The following RASA1 variants were observed in gnomAD, a reference collection of about 807,000 sequenced individuals.
RASA1 encodes RAS p21 protein activator 1, also known as ras GTPase-activating protein 1.
RASA1 carries 25 observed loss-of-function variants against 132.2 expected under a neutral mutation model. The observed-to-expected ratio is 0.19, with a 90% CI of 0.14 to 0.26. The LOEUF is 0.26. Ranked by LOEUF, RASA1 falls within the 10% of genes least tolerant of loss-of-function variation. The pLI, the probability that RASA1 is intolerant of heterozygous loss-of-function variation, is 1.00. For synonymous variants in RASA1, 477 were observed against 449.9 expected (o/e 1.06, Z -0.76); for missense variants, 964 against 1,299.2 (o/e 0.74, Z 3.97).
chr5:87,352,545 C>T (rs1255356906), intron 8 of RASA1, among the ~76,000 whole-genome samples: 1 of 151,606 alleles, frequency 6.6e-6, no homozygotes, highest in Admixed American at 6.6e-5. Context: ...TACAGTATGT[C>T]ATTTTATTTT....
At chr5:87,364,047 T>G (rs1760319727) in intron 11 of RASA1, among the ~76,000 whole-genome samples, 1 of 152,160 alleles carries the variant, frequency 6.6e-6, no homozygotes. Flanking sequence ...TGATTACATC[T>G]AGATTTTTTT....
chr5:87,372,450 G>A (rs1415109566), intron 13 of RASA1, among the ~76,000 whole-genome samples: 1 of 152,034 alleles, frequency 6.6e-6, no homozygotes, highest in Non-Finnish European at 1.5e-5. Flanking sequence ...AGCAGAAACG[G>A]TTCTGTTGGG....
chr5:87,355,541 A>G lies in RASA1; in HGVS notation c.1332+2306A>G, dbSNP rs546202240. ...TGATCACTGACAATGCACCTCTACA[A>G]TCAAGAGCTCAGATAGAGATGTACA... is the stretch of plus-strand genomic sequence containing the variant. On this transcript the variant is annotated intron_variant, in intron 9 of 24. Coordinates refer to ENST00000274376, the MANE Select transcript of RASA1 (RefSeq NM_002890.3). Among the ~76,000 whole-genome samples the G allele has an allele frequency of 1.1e-3, 165 of 152,320 alleles. 1 individual carries two copies. In the South Asian group the frequency reaches 0.018, roughly 17 times the overall value.
chr5:87,308,679 T>C (rs1160855077), intron 1 of RASA1, among the ~76,000 whole-genome samples: 1 of 152,210 alleles, frequency 6.6e-6, no homozygotes, highest in African/African-American at 2.4e-5. Context: ...TAACATACAG[T>C]AATGTTAGCA....
At chr5:87,284,109 C>T (rs1754440330) in intron 1 of RASA1, among the ~76,000 whole-genome samples, 1 of 152,016 alleles carries the variant, frequency 6.6e-6, no homozygotes, top group Admixed American at 6.6e-5. Context: ...TATAACGAAA[C>T]CCAATTTTTT....
intron 1 of RASA1, among the ~76,000 whole-genome samples, chr5:87,273,191 T>C (rs868495570): frequency 8.5e-5 from 13 of 152,216 alleles, no homozygotes; most frequent in Non-Finnish European, 4.4e-5. Flanking sequence ...ACCTTGTTTT[T>C]CTGTGTACGT....
intron 1 of RASA1, chr5:87,318,318 T>A (rs1229949291): frequency 6.6e-6 from 1 of 151,942 alleles, no homozygotes; most frequent in Non-Finnish European, 1.5e-5. Context: ...AAAAGTACAA[T>A]GAGATAGAGG....
intron 5 of RASA1, 86 bp from the exon 6 acceptor site, chr5:87,341,204 G>A: frequency 2.7e-6 from 2 of 743,616 alleles, no homozygotes; most frequent in Non-Finnish European, 3.8e-6. Flanking sequence ...GTGGGGATAT[G>A]TTTGCAGATA....
chr5:87,377,137 A>C lies in RASA1; in HGVS notation c.2344+97A>C, dbSNP rs546395357. The stretch of plus-strand genomic sequence containing the variant: ...ATCTCTGAATATACTAAATTGTTAA[A>C]TTATATTGCAAAATAAGTTATTCTG... On this transcript the variant is annotated intron_variant, in intron 17 of 24. Coordinates refer to ENST00000274376, the MANE Select transcript of RASA1 (RefSeq NM_002890.3). 129 of 1,428,344 alleles carry C rather than the reference A, an allele frequency of 9.0e-5. No homozygotes were observed. The African/African-American group carries it at 1.7e-3, about 18-fold the overall frequency. 88.5% of individuals were successfully genotyped at this position (1,428,344 alleles called of 1,614,324 possible). A position where few individuals can be genotyped will look rare whatever the true frequency, so the allele number is the denominator to read the frequency against.
intron 1 of RASA1, among the ~76,000 whole-genome samples, chr5:87,308,017 C>G (rs1247569258): frequency 6.6e-6 from 1 of 152,130 alleles, no homozygotes; most frequent in Admixed American, 6.6e-5. Flanking sequence ...TCCTTAGCTT[C>G]TTATCTGTGT....
chr5:87,390,974 T>C lies in RASA1; in HGVS notation c.*91T>C, dbSNP rs1762471726. The C allele has an allele frequency of 4.7e-6, 6 of 1,288,874 alleles. No homozygotes were observed. Among genetic ancestry groups the C allele is most frequent in the Non-Finnish European group, 4.5e-6 (4 of 891,062 alleles). The allele number at this position is 1,288,874 out of a possible 1,614,324, so 79.8% of individuals were successfully genotyped here. A position where few individuals can be genotyped will look rare whatever the true frequency, so the allele number is the denominator to read the frequency against. ...TGTCTCCTTTGCTCTTGCCAAAAAATAGCACACTTTTCCACATTCCAGTGA... is the reference window on the plus strand; with the variant it reads ...TGTCTCCTTTGCTCTTGCCAAAAAACAGCACACTTTTCCACATTCCAGTGA... On this transcript the variant is annotated 3_prime_UTR_variant, in exon 25 of 25. Transcript: ENST00000274376.
intron 1 of RASA1, among the ~76,000 whole-genome samples, chr5:87,315,567 T>G (rs1756264255): frequency 6.6e-6 from 1 of 152,214 alleles, no homozygotes; most frequent in Non-Finnish European, 1.5e-5. Flanking sequence ...AAAAAAATCT[T>G]GTGTTTTTAA....
In RASA1 at chr5:87,374,774, A is replaced by C. The variant is rs745897288; in HGVS notation, c.1935-66A>C. 15 of 1,593,396 alleles carry C rather than the reference A, an allele frequency of 9.4e-6. No homozygotes were observed. In the Admixed American group the frequency reaches 1.7e-4, roughly 18 times the overall value. On this transcript the variant is annotated intron_variant, in intron 14 of 24. Transcript: ENST00000274376. Reference sequence around the variant, plus strand: ...AATAGGGGGTTTATTTGATACTAGAACTAAAGAAATAAGGTAGTTTGATGC... The same window carrying C: ...AATAGGGGGTTTATTTGATACTAGACCTAAAGAAATAAGGTAGTTTGATGC...
intron 1 of RASA1, among the ~76,000 whole-genome samples, chr5:87,274,437 GTTTC>G (rs1239489059): frequency 1.3e-5 from 2 of 152,138 alleles, no homozygotes; most frequent in Non-Finnish European, 2.9e-5. Context: ...GTGAGCCATT[GTTTC>G]TTAATAAAAA....
At chr5:87,390,384 A>G (rs1351441560) in intron 24 of RASA1, among the ~76,000 whole-genome samples, 3 of 152,144 alleles carry the variant, frequency 2.0e-5, no homozygotes, top group African/African-American at 4.8e-5. Flanking sequence ...TGAGTTCTCT[A>G]CAACCTGAGA....
chr5:87,376,998 T>C lies in RASA1; in HGVS notation c.2302T>C (p.Leu768=). The change falls in exon 17 of 25, where the codon TTG becomes CTG. Residue 768 remains leucine (L), a synonymous_variant. Transcript: ENST00000274376. Reference sequence around the variant, plus strand: ...TTTTCTTCACGAAAAGCTTGAATCGTTGTTGTTATGCACACTAAATGACAG... The same window carrying C: ...TTTTCTTCACGAAAAGCTTGAATCGCTGTTGTTATGCACACTAAATGACAG... ...RIFLHEKLES[L]LLCTLNDREI... 1 of 1,613,836 alleles carries C rather than the reference T, an allele frequency of 6.2e-7. No individual in the cohort carries two copies. The highest frequency in any genetic ancestry group is 8.5e-7 in the Non-Finnish European group (1 of 1,179,760).
intron 1 of RASA1, 22 bp from the exon 2 acceptor site, chr5:87,331,326 A>G: frequency 1.9e-6 from 3 of 1,578,570 alleles, no homozygotes; most frequent in Non-Finnish European, 2.6e-6. Flanking sequence ...ATATTGTAAT[A>G]TCTTCTCTGT....
At chr5:87,348,103 T>G (rs1487586031) in intron 7 of RASA1, among the ~76,000 whole-genome samples, 4 of 152,064 alleles carry the variant, frequency 2.6e-5, no homozygotes, top group Admixed American at 2.6e-4. Context: ...TTCTTGTCAG[T>G]AAGATTTGTT....
Position 87,337,966 on chromosome 5 carries a change from A to AT in RASA1, c.900-4dup. 1 of 1,603,278 alleles carries AT rather than the reference A, an allele frequency of 6.2e-7. No individual in the cohort carries two copies. The highest frequency in any genetic ancestry group is 8.5e-7 in the Non-Finnish European group (1 of 1,175,818). On this transcript the variant is annotated splice_region_variant and splice_polypyrimidine_tract_variant and intron_variant, in intron 4 of 24. Coordinates refer to ENST00000274376, the MANE Select transcript of RASA1 (RefSeq NM_002890.3). Reference sequence around the variant, plus strand: ...TAAATTTAATAACTTTAAAATTGCTATTTTCAGTTTCTTAAAAGGAGATAT... The same window carrying AT: ...TAAATTTAATAACTTTAAAATTGCTATTTTTCAGTTTCTTAAAAGGAGATAT...
Sources: gnomAD v4.1 joint callset for allele counts (sites outside exome capture counted in the v4.1 genomes callset) on GRCh38, gnomAD v4.1.1 for gene constraint, MANE v1.5 for transcripts, NCBI Gene and HGNC (gene_info 2026-07-23, HGNC 2026-07-21) for gene names.